Variants in MARCHF3 observed in about 807,000 individuals in gnomAD.
MARCHF3 encodes the protein E3 ubiquitin-protein ligase MARCHF3.
Under a neutral mutation model 24.2 loss-of-function variants are expected in MARCHF3, and 13 were observed. That is an observed-to-expected ratio of 0.54 (90% CI 0.35 to 0.85). The LOEUF is 0.85. Among genes scored for constraint, MARCHF3 ranks in the 40% least tolerant of loss-of-function variants. The pLI, the probability that MARCHF3 is intolerant of heterozygous loss-of-function variation, is 0.01. For missense variants in MARCHF3, 276 were observed against 325.0 expected, an observed-to-expected ratio of 0.85 and a Z score of 1.16; for synonymous variants, 144 against 137.3, an observed-to-expected ratio of 1.05 and a Z score of -0.34.
rs551543103 is a variant in MARCHF3 at position 127,025,567 on chromosome 5, A to G, written c.-57+4783T>C. Among the ~76,000 whole-genome samples, 28 of 152,198 alleles carry G rather than the reference A, an allele frequency of 1.8e-4. 1 individual carries two copies. In the South Asian group the frequency reaches 5.4e-3, roughly 29 times the overall value. ...TTGCCCAGTTCTTTTCTCAGAGCTT[A>G]ACATTTGTTTTCCTTCTGTAACCCA... On this transcript the variant is annotated intron_variant, in intron 1 of 4. Transcript: ENST00000308660.
At chr5:126,934,258 T>C (rs1422921304) in intron 1 of MARCHF3, among the ~76,000 whole-genome samples, 1 of 152,192 alleles carries the variant, frequency 6.6e-6, no homozygotes, top group Non-Finnish European at 1.5e-5. Context: ...CACTTAAGCA[T>C]ATTTGCTGAC....
chr5:126,950,347 C>A (rs557768690), intron 1 of MARCHF3, among the ~76,000 whole-genome samples: 1 of 152,274 alleles, frequency 6.6e-6, no homozygotes, highest in East Asian at 1.9e-4. Context: ...TCACTTCATT[C>A]ATATTTCACT....
intron 3 of MARCHF3, among the ~76,000 whole-genome samples, chr5:126,897,044 A>ATTTTTTTTTTTTTTT (rs1753941560): frequency 1.4e-5 from 1 of 73,178 alleles, no homozygotes; most frequent in Non-Finnish European, 2.5e-5. Context: ...GAAGTTTGAG[A>ATTTTTTTTTTTTTTT]ATTTTTTTTT....
chr5:126,983,697 C>T (rs1247071684), intron 1 of MARCHF3, among the ~76,000 whole-genome samples: 1 of 152,134 alleles, frequency 6.6e-6, no homozygotes, highest in Non-Finnish European at 1.5e-5. Context: ...CCAGGTCCCT[C>T]GCTTTCCAAC....
chr5:127,018,281 G>C (rs1244939289), intron 1 of MARCHF3, among the ~76,000 whole-genome samples: 4 of 152,272 alleles, frequency 2.6e-5, no homozygotes, highest in Admixed American at 2.6e-4. Flanking sequence ...TGAGGCAGGA[G>C]AATCGCTTGA....
At chr5:126,972,333 AGTTT>A (rs1751046781) in intron 1 of MARCHF3, among the ~76,000 whole-genome samples, 1 of 152,084 alleles carries the variant, frequency 6.6e-6, no homozygotes, top group African/African-American at 2.4e-5. Flanking sequence ...TCCCTAAGTA[AGTTT>A]ATGGAAGAGA....
chr5:126,980,432 G>A (rs911514741), intron 1 of MARCHF3, among the ~76,000 whole-genome samples: 13 of 151,114 alleles, frequency 8.6e-5, no homozygotes, highest in African/African-American at 1.2e-4. Context: ...GTGCAGTGGC[G>A]CAATCTTGGC....
intron 1 of MARCHF3, among the ~76,000 whole-genome samples, chr5:126,974,493 A>G (rs1293900422): frequency 6.6e-6 from 1 of 152,078 alleles, no homozygotes; most frequent in Non-Finnish European, 1.5e-5. Flanking sequence ...AGGCAGAGGG[A>G]AAAAAAAGTA....
At chr5:126,892,552 G>A (rs750472690) in intron 3 of MARCHF3, among the ~76,000 whole-genome samples, 3 of 149,060 alleles carry the variant, frequency 2.0e-5, no homozygotes, top group African/African-American at 5.1e-5. Flanking sequence ...ATACTCATGT[G>A]GTTTTTGTCT....
At chr5:126,926,017 T>C (rs1749283039) in intron 1 of MARCHF3, among the ~76,000 whole-genome samples, 2 of 152,098 alleles carry the variant, frequency 1.3e-5, no homozygotes, top group African/African-American at 4.8e-5. Flanking sequence ...GGCTCCCAAT[T>C]TGTTTTTGGG....
intron 1 of MARCHF3, among the ~76,000 whole-genome samples, chr5:126,989,330 ACTACTAC>A (rs1751671564): frequency 7.0e-6 from 1 of 142,816 alleles, no homozygotes; most frequent in Non-Finnish European, 1.5e-5. Flanking sequence ...TACTACTACT[ACTACTAC>A]TAATAATAAT....
intron 1 of MARCHF3, among the ~76,000 whole-genome samples, chr5:126,994,740 C>T (rs1488315276): frequency 6.6e-6 from 1 of 151,168 alleles, no homozygotes; most frequent in African/African-American, 2.5e-5. Flanking sequence ...CTCACACGAC[C>T]ACAAGGTGAA....
At chr5:126,980,098 C>A (rs555301519) in intron 1 of MARCHF3, among the ~76,000 whole-genome samples, 166 of 152,204 alleles carry the variant, frequency 1.1e-3, no homozygotes, top group African/African-American at 4.0e-3. Context: ...GATGTCACCA[C>A]GAACATCTAT....
intron 1 of MARCHF3, among the ~76,000 whole-genome samples, chr5:126,937,673 T>C (rs1247809451): frequency 6.6e-6 from 1 of 152,236 alleles, no homozygotes; most frequent in Non-Finnish European, 1.5e-5. Flanking sequence ...CAAATTTCTA[T>C]GAATTGCTAC....
intron 1 of MARCHF3, among the ~76,000 whole-genome samples, chr5:127,006,551 T>G (rs193109860): frequency 6.6e-6 from 1 of 152,338 alleles, no homozygotes; most frequent in East Asian, 1.9e-4. Context: ...TTCATTACGT[T>G]TAGTATTTTA....
At chr5:126,906,748 T>A (rs1302637887) in intron 3 of MARCHF3, among the ~76,000 whole-genome samples, 3 of 152,206 alleles carry the variant, frequency 2.0e-5, no homozygotes, top group African/African-American at 7.2e-5. Context: ...ATCAATCTTG[T>A]TGATCCTTTC....
At chr5:126,892,622 C>T (rs1296275400) in intron 3 of MARCHF3, among the ~76,000 whole-genome samples, 1 of 149,970 alleles carries the variant, frequency 6.7e-6, no homozygotes, top group Non-Finnish European at 1.5e-5. Flanking sequence ...ACCAACCTTG[C>T]ATCCCAGGGA....
Position 126,983,954 on chromosome 5 carries a change from T to C in MARCHF3, c.-57+46396A>G, listed in dbSNP as rs77706823. Among the ~76,000 whole-genome samples the C allele has an allele frequency of 2.8e-4, 43 of 152,262 alleles. No individual in the cohort carries two copies. In the East Asian group the frequency reaches 7.9e-3, roughly 28 times the overall value. ...CTGGAAAATACAGAAGCCACTATCA[T>C]ACAACTAAGAGAGAGAAGTTATTAA... On this transcript the variant is annotated intron_variant, in intron 1 of 4. Coordinates refer to ENST00000308660, the MANE Select transcript of MARCHF3 (RefSeq NM_178450.5).
At chr5:126,878,544 G>A in intron 3 of MARCHF3, 150 bp from the exon 4 acceptor site, 1 of 658,010 alleles carries the variant, frequency 1.5e-6, no homozygotes, top group Admixed American at 2.9e-5. Flanking sequence ...AAGTGTTCAG[G>A]GCTCATTCCC....
Sources: allele counts gnomAD v4.1 joint callset (sites outside exome capture counted in the v4.1 genomes callset), GRCh38; gene constraint gnomAD v4.1.1; transcripts MANE v1.5; gene names NCBI Gene and HGNC (gene_info 2026-07-23, HGNC 2026-07-21).